NOTCH2: variants seen among roughly 807,000 people sequenced by gnomAD.
NOTCH2 encodes neurogenic locus notch homolog protein 2.
A neutral mutation model predicts 235.8 loss-of-function variants in NOTCH2; 29 were observed. That is an observed-to-expected ratio of 0.12 (90% CI 0.09 to 0.17). NOTCH2 has a LOEUF of 0.17. Ranked by LOEUF, NOTCH2 falls within the 10% of genes least tolerant of loss-of-function variation. The pLI, the probability that NOTCH2 is intolerant of heterozygous loss-of-function variation, is 1.00. For synonymous variants in NOTCH2, 1,086 were observed against 1,141.5 expected, an observed-to-expected ratio of 0.95 and a Z score of 0.98; for missense variants, 2,285 against 3,150.2, an observed-to-expected ratio of 0.73 and a Z score of 6.57.
intron 5 of NOTCH2, among the ~76,000 whole-genome samples, chr1:119,980,851 C>T (rs1319159075): frequency 6.6e-6 from 1 of 152,202 alleles, no homozygotes; most frequent in Non-Finnish European, 1.5e-5. Flanking sequence ...GGGCAAGCTT[C>T]TAAGGCTGTA....
intron 33 of NOTCH2, among the ~76,000 whole-genome samples, chr1:119,917,077 TAAG>T (rs1017965497): frequency 2.7e-5 from 4 of 150,882 alleles, no homozygotes; most frequent in Non-Finnish European, 4.4e-5. Context: ...GAGTTAGAAA[TAAG>T]AAATAATAGG....
chr1:119,919,744 T>G (rs1010813313), intron 30 of NOTCH2, 131 bp from the exon 31 acceptor site: 1 of 875,344 alleles, frequency 1.1e-6, no homozygotes, highest in Non-Finnish European at 1.8e-6. Flanking sequence ...TAGTAACTGG[T>G]TATTAGTTTC....
chr1:119,957,179 TCTCTGCCTTCTGGGAACTCACAGTC>T (rs1650739227), intron 12 of NOTCH2, among the ~76,000 whole-genome samples: 1 of 152,172 alleles, frequency 6.6e-6, no homozygotes, highest in African/African-American at 2.4e-5. Context: ...TTAAACGAGG[TCTCTGCCTTCTGGGAACTCACAGTC>T]CTCACTATGC....
chr1:119,954,684 G>A (rs1297985748), intron 13 of NOTCH2, among the ~76,000 whole-genome samples: 6 of 151,814 alleles, frequency 4.0e-5, no homozygotes, highest in Admixed American at 1.3e-4. Flanking sequence ...TTAAGCAGGG[G>A]AAAAAAAATC....
chr1:120,029,087 A>AT (rs1310846537), intron 2 of NOTCH2, among the ~76,000 whole-genome samples: 2 of 148,930 alleles, frequency 1.3e-5, no homozygotes, highest in Admixed American at 1.3e-4. Flanking sequence ...CCCATATAAT[A>AT]ATACACACCC....
Position 119,917,680 on chromosome 1 carries a change from G to T in NOTCH2, c.6012C>A (p.Asp2004Glu). 6.2e-7 allele frequency: 1 copy of T among 1,612,354 alleles called. No homozygotes were observed. Residue 2004 changes from aspartate (D) to glutamate (E), a missense_variant, in exon 33 of 34, where the codon GAC becomes GAA. By Grantham distance (45) the Asp-to-Glu change is conservative (BLOSUM62 2). Coordinates refer to ENST00000256646, the MANE Select transcript of NOTCH2 (RefSeq NM_024408.4). ...LLLLKNGANR[D>E]MQDNKEETPL... is the part of the protein sequence containing the mutation. ...CAAACTGTACCTTGTTGTCCTGCAT[G>T]TCTCGGTTGGCCCCATTTTTCAACA...
intron 7 of NOTCH2, among the ~76,000 whole-genome samples, 183 bp from the exon 8 acceptor site, chr1:119,967,804 G>A (rs782139169): frequency 6.6e-6 from 1 of 152,030 alleles, no homozygotes; most frequent in Non-Finnish European, 1.5e-5. Context: ...CAACTGTTAT[G>A]CATTTCTGCT....
intron 18 of NOTCH2, 109 bp from the exon 19 acceptor site, chr1:119,940,865 C>T (rs904035519): frequency 4.3e-6 from 4 of 934,240 alleles, no homozygotes; most frequent in Non-Finnish European, 6.8e-6. Context: ...TACCTCTGAG[C>T]AACCCATATC....
rs782491901 is a variant in NOTCH2 at position 119,937,996 on chromosome 1, G to C, written c.3198C>G (p.Leu1066=). The C allele has an allele frequency of 3.1e-6, 5 of 1,614,190 alleles. No homozygotes were observed. In the South Asian group the frequency reaches 5.5e-5, roughly 18 times the overall value. ...TGTTTTTACATGGAGACCGACTGCA[G>C]AGATTCACCAGGGTCTGAAACAGAG... The part of the protein sequence containing the change: ...TGKNCQTLVN[L]CSRSPCKNKG... Residue 1066 remains leucine, a synonymous_variant, in exon 20 of 34, where the codon CTC becomes CTG. Transcript: ENST00000256646.
At chr1:119,983,939 A>T (rs1651914265) in intron 5 of NOTCH2, among the ~76,000 whole-genome samples, 2 of 152,186 alleles carry the variant, frequency 1.3e-5, no homozygotes, top group African/African-American at 4.8e-5. Context: ...ATAGCTGGCA[A>T]CTTCATTTCC....
At chr1:119,973,902 A>T (rs1236315399) in intron 5 of NOTCH2, among the ~76,000 whole-genome samples, 1 of 152,188 alleles carries the variant, frequency 6.6e-6, no homozygotes, top group African/African-American at 2.4e-5. Context: ...GGGTTTTAGA[A>T]GAAGAAAAAG....
chr1:119,982,898 G>C (rs371031579), intron 5 of NOTCH2, among the ~76,000 whole-genome samples: 114 of 152,320 alleles, frequency 7.5e-4, no homozygotes, highest in African/African-American at 2.5e-3. Flanking sequence ...AGGCCATGGG[G>C]AAACCATCTA....
In NOTCH2 at chr1:120,051,228, A is replaced by AACACACACAC. The variant is rs57313347; in HGVS notation, c.73+18096_73+18105dup. Among the ~76,000 whole-genome samples the AACACACACAC allele has an allele frequency of 5.7e-4, 46 of 80,492 alleles. 1 individual carries two copies. The East Asian group carries it at 6.5e-3, about 11-fold the overall frequency. The allele number at this position is 80,492 out of a possible 152,430, so 52.8% of individuals were successfully genotyped here. ...AATTCCAAGGTCTATTCCTCCTCCC[A>AACACACACAC]ACACACACACACACACACACACACA... On this transcript the variant is annotated intron_variant, in intron 1 of 33. Transcript: ENST00000256646.
At chr1:119,988,536 A>G (rs1295790554) in intron 4 of NOTCH2, among the ~76,000 whole-genome samples, 2 of 152,190 alleles carry the variant, frequency 1.3e-5, no homozygotes, top group African/African-American at 2.4e-5. Flanking sequence ...AGTCTTACAA[A>G]TAGACCAATG....
intron 22 of NOTCH2, among the ~76,000 whole-genome samples, chr1:119,934,332 C>T (rs781954091): frequency 6.6e-6 from 1 of 152,148 alleles, no homozygotes; most frequent in Non-Finnish European, 1.5e-5. Context: ...AAATAAATTA[C>T]TTAGTCTCAG....
At position 119,963,516 on chromosome 1, in the gene NOTCH2, T is replaced by C. The variant is rs978543228; in HGVS notation, c.1915+58A>G. ...ATGCCAACAGTCTGAAACATCTGTGTAAACAGATTTGAGAAACAGTGAAAA... is the reference window on the plus strand; with the variant it reads ...ATGCCAACAGTCTGAAACATCTGTGCAAACAGATTTGAGAAACAGTGAAAA... On this transcript the variant is annotated intron_variant, in intron 11 of 33. Coordinates refer to ENST00000256646, the MANE Select transcript of NOTCH2 (RefSeq NM_024408.4). 7.0e-6 allele frequency: 10 copies of C among 1,436,644 alleles called. No individual in the cohort carries two copies. In the East Asian group the frequency reaches 2.3e-4, roughly 33 times the overall value. 89.0% of individuals were successfully genotyped at this position (1,436,644 alleles called of 1,614,324 possible).
chr1:120,066,032 G>C (rs1570800982), intron 1 of NOTCH2, among the ~76,000 whole-genome samples: 1 of 151,602 alleles, frequency 6.6e-6, no homozygotes, highest in East Asian at 1.9e-4. Context: ...AGAGATAACA[G>C]AAGAAAAGGG....
intron 11 of NOTCH2, 82 bp downstream of exon 11, chr1:119,963,492 T>C: frequency 8.0e-7 from 1 of 1,257,032 alleles, no homozygotes; most frequent in Non-Finnish European, 1.2e-6. Flanking sequence ...TCTGAGCATA[T>C]GCCAACAGTC....
intron 2 of NOTCH2, among the ~76,000 whole-genome samples, chr1:120,027,762 T>G (rs1262748787): frequency 6.6e-6 from 1 of 151,382 alleles, no homozygotes; most frequent in Admixed American, 6.6e-5. Context: ...TTGCTGAGAA[T>G]GATGGCTTCC....
Sources: gnomAD v4.1 joint callset for allele counts (sites outside exome capture counted in the v4.1 genomes callset) on GRCh38, gnomAD v4.1.1 for gene constraint, MANE v1.5 for transcripts, NCBI Gene and HGNC (gene_info 2026-07-23, HGNC 2026-07-21) for gene names.